The following CNTNAP4 variants were observed in gnomAD, a reference collection of about 807,000 sequenced individuals.
The protein encoded by CNTNAP4 is contactin associated protein family member 4, also known as contactin-associated protein-like 4.
Under a neutral mutation model 148.4 loss-of-function variants are expected in CNTNAP4, and 98 were observed. That is an observed-to-expected ratio of 0.66 (90% confidence interval 0.56 to 0.78). The LOEUF (loss-of-function observed/expected upper bound fraction) is 0.78, where lower values mean the gene tolerates loss of function less well. Among genes scored for constraint, CNTNAP4 ranks in the 30% least tolerant of loss-of-function variants. The pLI is 0.00. For synonymous variants in CNTNAP4, 730 were observed against 565.1 expected, an observed-to-expected ratio of 1.29 and a Z score of -4.14; for missense variants, 1,935 against 1,565.6, an observed-to-expected ratio of 1.24 and a Z score of -3.98.
chr16:76,312,419 G>A (rs1418062544), intron 1 of CNTNAP4, among the ~76,000 whole-genome samples: 2 of 152,060 alleles, frequency 1.3e-5, no homozygotes, highest in African/African-American at 4.8e-5. Context: ...AGAGAAAACT[G>A]GTTTTCTGGA....
At chr16:76,340,658 G>C (rs746232790) in intron 2 of CNTNAP4, among the ~76,000 whole-genome samples, 22 of 152,092 alleles carry the variant, frequency 1.4e-4, no homozygotes, top group African/African-American at 5.3e-4. Flanking sequence ...TTTCCTATGT[G>C]CCAACACCTA....
chr16:76,510,367 G>A (rs2082963551), intron 15 of CNTNAP4, among the ~76,000 whole-genome samples: 1 of 151,898 alleles, frequency 6.6e-6, no homozygotes, highest in South Asian at 2.1e-4. Context: ...TCCATTCTGT[G>A]GCTATACCAC....
intron 21 of CNTNAP4, among the ~76,000 whole-genome samples, chr16:76,547,551 A>G (rs1283195809): frequency 6.6e-6 from 1 of 152,238 alleles, no homozygotes; most frequent in African/African-American, 2.4e-5. Flanking sequence ...AACTTGGTTG[A>G]CATTCATCCA....
chr16:76,338,906 ATC>A (rs1964239512), intron 2 of CNTNAP4, among the ~76,000 whole-genome samples: 1 of 152,196 alleles, frequency 6.6e-6, no homozygotes, highest in South Asian at 2.1e-4. Context: ...TACAGAAGTG[ATC>A]TCTGTTTATA....
At chr16:76,510,676 G>C (rs542409030) in intron 15 of CNTNAP4, among the ~76,000 whole-genome samples, 16 of 152,194 alleles carry the variant, frequency 1.1e-4, no homozygotes, top group African/African-American at 3.9e-4. Flanking sequence ...TGTCTTTTTA[G>C]TTGACTGTAT....
chr16:76,558,668 A>G lies in CNTNAP4; in HGVS notation c.3912A>G (p.Lys1304=), dbSNP rs769142063. Residue 1304 remains lysine, a synonymous_variant, in exon 24 of 24, where the codon AAA becomes AAG. Coordinates refer to ENST00000611870, the MANE Select transcript of CNTNAP4 (RefSeq NM_033401.5). ...NIQNAVNENQ[K]EYFF ...AAAATGCAGTCAATGAAAATCAGAA[A>G]GAGTACTTCTTCTGATTGGCAGCTA... is the stretch of plus-strand genomic sequence containing the variant. 1 of 1,606,950 alleles carries G rather than the reference A, an allele frequency of 6.2e-7. No homozygotes were observed. Among genetic ancestry groups the G allele is most frequent in the Non-Finnish European group, 8.5e-7 (1 of 1,176,240 alleles).
chr16:76,365,253 T>C (rs2013968927), intron 3 of CNTNAP4, among the ~76,000 whole-genome samples: 1 of 152,230 alleles, frequency 6.6e-6, no homozygotes, highest in Non-Finnish European at 1.5e-5. Context: ...TTGATATCAG[T>C]ACCATGCTGT....
rs1199360203 is a variant in CNTNAP4, at chr16:76,286,481, T to C, written c.85+8734T>C. Reference sequence around the variant, plus strand: ...TATTACCCTTTTGCGATCTCAAAGATCTTTATTTTCTAGGACTCGGTGTAA... The same window carrying C: ...TATTACCCTTTTGCGATCTCAAAGACCTTTATTTTCTAGGACTCGGTGTAA... On this transcript the variant is annotated intron_variant, in intron 1 of 23. Transcript: ENST00000611870. Among the ~76,000 whole-genome samples, 18 of 152,016 alleles carry C rather than the reference T, an allele frequency of 1.2e-4. 1 individual carries two copies.
intron 17 of CNTNAP4, among the ~76,000 whole-genome samples, chr16:76,535,280 G>A (rs1202583380): frequency 2.6e-5 from 4 of 152,072 alleles, no homozygotes; most frequent in African/African-American, 9.7e-5. Flanking sequence ...AATGAGAGTA[G>A]TGTATGACCT....
chr16:76,449,820 G>T lies in CNTNAP4; in HGVS notation c.1033G>T (p.Asp345Tyr). 1 of 1,608,062 alleles carries T rather than the reference G, an allele frequency of 6.2e-7. No homozygotes were observed. The highest frequency in any genetic ancestry group is 1.1e-5 in the South Asian group (1 of 89,492). ...NLYYNGVDIIDLAKQQKPQII... is the reference protein window; with the variant it reads ...NLYYNGVDIIYLAKQQKPQII... ...CTATTATAATGGAGTGGATATCATT[G>T]ATTTGGCCAAGCAGCAAAAACCACA... Residue 345 changes from aspartate (D) to tyrosine (Y), a missense_variant, in exon 7 of 24, where the codon GAT becomes TAT. Asp to Tyr is a radical substitution (Grantham distance 160). Coordinates refer to ENST00000611870, the MANE Select transcript of CNTNAP4 (RefSeq NM_033401.5).
chr16:76,451,438 C>G (rs192384282), intron 7 of CNTNAP4, among the ~76,000 whole-genome samples: 1 of 151,832 alleles, frequency 6.6e-6, no homozygotes, highest in Non-Finnish European at 1.5e-5. Flanking sequence ...TCAGCAAATC[C>G]CAAAGCACAT....
chr16:76,315,620 C>T (rs114922368), intron 1 of CNTNAP4, among the ~76,000 whole-genome samples: 2 of 151,534 alleles, frequency 1.3e-5, no homozygotes, highest in African/African-American at 4.9e-5. Context: ...TTTGAGACAG[C>T]GTCTTACTCC....
chr16:76,485,176 G>A (rs1295166467), intron 12 of CNTNAP4, among the ~76,000 whole-genome samples: 1 of 152,164 alleles, frequency 6.6e-6, no homozygotes, highest in African/African-American at 2.4e-5. Flanking sequence ...GGAGTGCAAT[G>A]GCACGATCTC....
chr16:76,381,164 T>C (rs968090056), intron 3 of CNTNAP4, among the ~76,000 whole-genome samples: 1 of 152,232 alleles, frequency 6.6e-6, no homozygotes, highest in African/African-American at 2.4e-5. Context: ...GGACTGAATT[T>C]TAGAATCTAG....
chr16:76,280,419 G>A (rs1434450954), intron 1 of CNTNAP4, among the ~76,000 whole-genome samples: 2 of 152,076 alleles, frequency 1.3e-5, no homozygotes, highest in African/African-American at 4.8e-5. Context: ...TGTGTATGTA[G>A]ATATCTAAAC....
chr16:76,296,529 A>G (rs933476697), intron 1 of CNTNAP4, among the ~76,000 whole-genome samples: 6 of 152,208 alleles, frequency 3.9e-5, no homozygotes, highest in Admixed American at 3.9e-4. Flanking sequence ...TTCAAGTTAT[A>G]TTCAATTTAA....
At chr16:76,339,715 C>G (rs977620386) in intron 2 of CNTNAP4, among the ~76,000 whole-genome samples, 1 of 152,176 alleles carries the variant, frequency 6.6e-6, no homozygotes, top group African/African-American at 2.4e-5. Context: ...ATTTCCATTT[C>G]TCTGAATTTG....
intron 3 of CNTNAP4, among the ~76,000 whole-genome samples, chr16:76,423,489 A>G (rs2079265822): frequency 6.6e-6 from 1 of 152,164 alleles, no homozygotes; most frequent in Admixed American, 6.6e-5. Flanking sequence ...TCCCTGTAAT[A>G]AAATTATTAT....
At chr16:76,348,188 CTT>C (rs751099156) in intron 2 of CNTNAP4, among the ~76,000 whole-genome samples, 32 of 136,116 alleles carry the variant, frequency 2.4e-4, no homozygotes, top group African/African-American at 2.2e-4. Context: ...AAGCGTGACT[CTT>C]TTTTTTTTTT....
Sources: gnomAD v4.1 joint callset for allele counts (sites outside exome capture counted in the v4.1 genomes callset) on GRCh38, gnomAD v4.1.1 for gene constraint, MANE v1.5 for transcripts, NCBI Gene and HGNC (gene_info 2026-07-23, HGNC 2026-07-21) for gene names.